LIPC: variants seen among roughly 807,000 people sequenced by gnomAD.
The protein encoded by LIPC is hepatic triacylglycerol lipase.
A neutral mutation model predicts 50.7 loss-of-function variants in LIPC; 44 were observed. The ratio of observed to expected loss-of-function variants is 0.87; its 90% CI spans 0.68 to 1.11. The LOEUF is 1.11. LIPC is among the 50% of genes most tolerant of loss of function. The pLI is 0.00. For missense variants in LIPC, 697 were observed against 648.2 expected, an observed-to-expected ratio of 1.08 and a Z score of -0.82; for synonymous variants, 271 against 256.4, an observed-to-expected ratio of 1.06 and a Z score of -0.54.
chr15:58,485,570 G>A (rs370925884), intron 1 of LIPC, among the ~76,000 whole-genome samples: 1 of 152,174 alleles, frequency 6.6e-6, no homozygotes, highest in Non-Finnish European at 1.5e-5. Flanking sequence ...CTTTCATACT[G>A]TAAGATTCAG....
At chr15:58,564,908 C>A (rs1273835046) in intron 8 of LIPC, among the ~76,000 whole-genome samples, 1 of 152,132 alleles carries the variant, frequency 6.6e-6, no homozygotes, top group Non-Finnish European at 1.5e-5. Context: ...CTCTTCCCTT[C>A]TCTATTCAGG....
intron 1 of LIPC, chr15:58,435,452 T>G (rs1893261763): frequency 8.2e-6 from 1 of 122,534 alleles, no homozygotes; most frequent in Non-Finnish European, 1.6e-5. Context: ...GTCCCCACCT[T>G]GCAGGAATTT....
At chr15:58,545,713 C>A (rs781089971) in intron 4 of LIPC, 29 bp from the exon 5 acceptor site, 2 of 1,594,766 alleles carry the variant, frequency 1.3e-6, no homozygotes, top group South Asian at 1.1e-5. Context: ...CTTGCTCCTG[C>A]GTAACCCTTA....
In LIPC at chr15:58,538,882, A is replaced by G. The variant is rs148148372; in HGVS notation, c.273+365A>G. On this transcript the variant is annotated intron_variant, in intron 2 of 8. Transcript: ENST00000299022. ...AGGAAGCCAGAAGAATGGACTCCCAATGAAATGTTGTATCAGCAAGGTTTA... is the reference window on the plus strand; with the variant it reads ...AGGAAGCCAGAAGAATGGACTCCCAGTGAAATGTTGTATCAGCAAGGTTTA... 9.8e-5 allele frequency among the ~76,000 whole-genome samples: 15 copies of G among 152,360 alleles called. No individual in the cohort carries two copies. The East Asian group carries it at 1.7e-3, about 18-fold the overall frequency.
chr15:58,519,054 AAT>A (rs1892570843), intron 1 of LIPC, among the ~76,000 whole-genome samples: 1 of 152,168 alleles, frequency 6.6e-6, no homozygotes, highest in African/African-American at 2.4e-5. Flanking sequence ...GTGAAAAGTT[AAT>A]AAACTACACA....
chr15:58,523,885 C>T (rs1180681449), intron 1 of LIPC, among the ~76,000 whole-genome samples: 1 of 152,190 alleles, frequency 6.6e-6, no homozygotes, highest in Non-Finnish European at 1.5e-5. Context: ...CAGTGAGCTA[C>T]GATCACTACA....
intron 1 of LIPC, among the ~76,000 whole-genome samples, chr15:58,471,134 CTTTTT>C (rs34225435): frequency 7.9e-5 from 9 of 114,648 alleles, no homozygotes; most frequent in Admixed American, 1.8e-4. Flanking sequence ...TTTCTTTTCT[CTTTTT>C]TTTTTTTTTT....
chr15:58,452,292 G>A (rs1893929882), intron 1 of LIPC, among the ~76,000 whole-genome samples: 1 of 152,170 alleles, frequency 6.6e-6, no homozygotes, highest in Non-Finnish European at 1.5e-5. Context: ...CGCACCCTCT[G>A]GGTGATTCTG....
chr15:58,546,010 T>C, intron 5 of LIPC, 35 bp downstream of exon 5: 1 of 1,473,212 alleles, frequency 6.8e-7, no homozygotes, highest in Non-Finnish European at 9.5e-7. Context: ...AGCACCGGCC[T>C]ACATTTCAAT....
At chr15:58,483,331 G>A (rs1397944426) in intron 1 of LIPC, among the ~76,000 whole-genome samples, 1 of 152,178 alleles carries the variant, frequency 6.6e-6, no homozygotes, top group Non-Finnish European at 1.5e-5. Flanking sequence ...TATGTGGCAG[G>A]TGGGGAGAGC....
At chr15:58,496,135 G>C (rs1891756175) in intron 1 of LIPC, among the ~76,000 whole-genome samples, 1 of 152,138 alleles carries the variant, frequency 6.6e-6, no homozygotes, top group Non-Finnish European at 1.5e-5. Context: ...AACTGGGATG[G>C]TTTCGCTCCC....
chr15:58,519,233 C>A (rs1213856734), intron 1 of LIPC, among the ~76,000 whole-genome samples: 1 of 151,808 alleles, frequency 6.6e-6, no homozygotes. Context: ...ATGGTGAAAC[C>A]CTTTCTCTAC....
chr15:58,537,934 T>C (rs1893189531), intron 1 of LIPC, among the ~76,000 whole-genome samples: 1 of 152,164 alleles, frequency 6.6e-6, no homozygotes, highest in African/African-American at 2.4e-5. Context: ...GGTAGGGATG[T>C]AGGGATGAAA....
chr15:58,508,972 T>G (rs1010378233), intron 1 of LIPC, among the ~76,000 whole-genome samples: 1 of 152,206 alleles, frequency 6.6e-6, no homozygotes, highest in Non-Finnish European at 1.5e-5. Flanking sequence ...AACATCCCAA[T>G]GTATTTGTCC....
chr15:58,537,588 A>G (rs1482027601), intron 1 of LIPC, among the ~76,000 whole-genome samples: 2 of 152,012 alleles, frequency 1.3e-5, no homozygotes, highest in Non-Finnish European at 2.9e-5. Flanking sequence ...CTGCCTCTTT[A>G]TGTATGCAAG....
intron 1 of LIPC, among the ~76,000 whole-genome samples, chr15:58,476,465 T>G (rs1410045463): frequency 2.6e-5 from 4 of 152,222 alleles, no homozygotes; most frequent in African/African-American, 9.6e-5. Flanking sequence ...TATGCTTCCT[T>G]CTGGGAAGGT....
rs1894363593 is a variant in LIPC at position 58,566,302 on chromosome 15, C to G, written c.1389-2414C>G. On this transcript the variant is annotated intron_variant, in intron 8 of 8. Transcript: ENST00000299022. ...TGTTCCCAGGGAGACAGGCAGCCGGCAAAGCAATATGGCTGGCAGGATCGG... is the reference window on the plus strand; with the variant it reads ...TGTTCCCAGGGAGACAGGCAGCCGGGAAAGCAATATGGCTGGCAGGATCGG... 3 of 985,296 alleles carry G rather than the reference C, an allele frequency of 3.0e-6. No homozygotes were observed. The South Asian group carries it at 1.4e-4, about 46-fold the overall frequency. 61.0% of individuals were successfully genotyped at this position (985,296 alleles called of 1,614,324 possible).
chr15:58,565,530 T>C, intron 8 of LIPC: 1 of 1,292,782 alleles, frequency 7.7e-7, no homozygotes, highest in Non-Finnish European at 9.9e-7. Flanking sequence ...TCACGTGATC[T>C]TTGCTGTGAT....
intron 1 of LIPC, among the ~76,000 whole-genome samples, chr15:58,519,908 C>A (rs574168739): frequency 6.6e-6 from 1 of 152,034 alleles, no homozygotes; most frequent in Non-Finnish European, 1.5e-5. Context: ...GGATTTATCC[C>A]GTTATCTTCG....
Sources: gnomAD v4.1 joint callset for allele counts (sites outside exome capture counted in the v4.1 genomes callset) on GRCh38, gnomAD v4.1.1 for gene constraint, MANE v1.5 for transcripts, NCBI Gene and HGNC (gene_info 2026-07-23, HGNC 2026-07-21) for gene names.